FANCA: variants seen among roughly 807,000 people sequenced by gnomAD.
FANCA encodes FA complementation group A.
FANCA carries 236 observed loss-of-function variants against 194.3 expected under a neutral mutation model. The observed-to-expected ratio is 1.21, with a 90% CI of 1.09 to 1.35. The LOEUF is 1.35. Ranked by LOEUF, FANCA falls within the 40% of genes most tolerant of loss-of-function variation. The probability of loss-of-function intolerance (pLI) is 0.00; values close to 1 mark genes in which losing one functional copy is unlikely to be tolerated. For missense variants in FANCA, 2,628 were observed against 1,813.9 expected, an observed-to-expected ratio of 1.45 and a Z score of -8.15; for synonymous variants, 1,014 against 715.8, an observed-to-expected ratio of 1.42 and a Z score of -6.65.
intron 31 of FANCA, among the ~76,000 whole-genome samples, chr16:89,750,520 G>A (rs2038551721): frequency 6.6e-6 from 1 of 150,672 alleles, no homozygotes; most frequent in Non-Finnish European, 1.5e-5. Flanking sequence ...CAGGTATGGT[G>A]GCTCACGCCT....
intron 13 of FANCA, 25 bp downstream of exon 13, chr16:89,791,902 C>T: frequency 1.2e-6 from 2 of 1,613,954 alleles, no homozygotes; most frequent in South Asian, 2.2e-5. Flanking sequence ...TTGACCAGCA[C>T]CACCGGGCTC....
In FANCA at chr16:89,783,701, G is replaced by A. The variant is rs1466185857; in HGVS notation, c.1471-599C>T. On this transcript the variant is annotated intron_variant, in intron 15 of 42. Transcript: ENST00000389301. Reference sequence around the variant, plus strand: ...AATCCTAGCAGCGGCAGCAGGAACCGGCCCCGGCCGCCTGCAGCTCCATGC... The same window carrying A: ...AATCCTAGCAGCGGCAGCAGGAACCAGCCCCGGCCGCCTGCAGCTCCATGC... 7.2e-5 allele frequency among the ~76,000 whole-genome samples: 11 copies of A among 152,310 alleles called. 1 individual carries two copies. The highest frequency in any genetic ancestry group is 3.9e-4 in the Admixed American group (6 of 15,296).
intron 30 of FANCA, 130 bp downstream of exon 30, chr16:89,758,447 T>C: frequency 9.6e-7 from 1 of 1,036,514 alleles, no homozygotes; most frequent in Non-Finnish European, 1.5e-6. Flanking sequence ...GACATTTGGG[T>C]ATAGGCTGGG....
intron 29 of FANCA, among the ~76,000 whole-genome samples, chr16:89,760,503 C>T (rs2038916665): frequency 6.6e-6 from 1 of 152,144 alleles, no homozygotes; most frequent in African/African-American, 2.4e-5. Context: ...GTGTGGCAGG[C>T]ACCCTGAGGC....
chr16:89,812,183 A>T (rs1024003334), intron 3 of FANCA, among the ~76,000 whole-genome samples: 2 of 151,338 alleles, frequency 1.3e-5, no homozygotes, highest in African/African-American at 2.4e-5. Context: ...AAGACACAAA[A>T]ACAAAATTAG....
Position 89,746,677 on chromosome 16 carries a change from G to A in FANCA, c.3420C>T (p.Asn1140=), listed in dbSNP as rs369765552. ...AGGGGTCTCTGCTCCGCAGACAGGC[G>A]TTCAGGAGGCCCTGCAGGAGAGAAC... The part of the protein sequence containing the change: ...ITAHFFRGLL[N]ACLRSRDPSL... The change falls in exon 35 of 43, where the codon AAC becomes AAT. Residue 1140 remains asparagine, a synonymous_variant. Coordinates refer to ENST00000389301, the MANE Select transcript of FANCA (RefSeq NM_000135.4). 84 of 1,614,110 alleles carry A rather than the reference G, an allele frequency of 5.2e-5. 1 individual carries two copies. The South Asian group carries it at 6.5e-4, about 12-fold the overall frequency.
intron 38 of FANCA, 126 bp downstream of exon 38, chr16:89,740,678 C>T: frequency 6.9e-6 from 5 of 722,560 alleles, no homozygotes; most frequent in Non-Finnish European, 1.2e-5. Context: ...AGTTCTCACT[C>T]ACACTTCCGC....
chr16:89,803,320 A>G lies in FANCA; in HGVS notation c.731T>C (p.Leu244Ser). 6.2e-7 allele frequency: 1 copy of G among 1,614,188 alleles called. No homozygotes were observed. Among genetic ancestry groups the G allele is most frequent in the Non-Finnish European group, 8.5e-7 (1 of 1,180,022 alleles). ...MLSDFVQMFV[L>S]RGFQKNSDLR... ...ATCTGAGTTTTTCTGAAATCCCCTC[A>G]AAACAAACATTTGAACAAAATCTGA... Residue 244 changes from leucine to serine, a missense_variant, in exon 8 of 43, where the codon TTG becomes TCG. Coordinates refer to ENST00000389301, the MANE Select transcript of FANCA (RefSeq NM_000135.4).
chr16:89,764,702 G>A (rs992984154), intron 28 of FANCA, 188 bp downstream of exon 28: 3 of 727,954 alleles, frequency 4.1e-6, no homozygotes, highest in Non-Finnish European at 7.5e-6. Context: ...CCTCTGAGGA[G>A]ACAGTCGGCA....
rs2143332878 is a variant in FANCA, at chr16:89,769,944, T to C, written c.2397A>G (p.Pro799=). Residue 799 remains proline (P), a synonymous_variant, in exon 26 of 43, where the codon CCA becomes CCG. Coordinates refer to ENST00000389301, the MANE Select transcript of FANCA (RefSeq NM_000135.4). ...GTGCAGGAGGACCCACATCCACCTC[T>C]GGGAGCGCAGACCTGGACTCACCCA... is the stretch of plus-strand genomic sequence containing the variant. The part of the protein sequence containing the change: ...VHLGESRSAL[P]EVDVGPPAPG... 5.6e-6 allele frequency: 9 copies of C among 1,614,012 alleles called. No individual in the cohort carries two copies. Among genetic ancestry groups the C allele is most frequent in the Non-Finnish European group, 7.6e-6 (9 of 1,179,994 alleles).
chr16:89,765,125 G>C (rs1055987103), intron 27 of FANCA, 59 bp from the exon 28 acceptor site: 10 of 1,588,202 alleles, frequency 6.3e-6, no homozygotes, highest in African/African-American at 1.3e-5. Flanking sequence ...GTGAGTGGCT[G>C]AGCAAATGCT....
chr16:89,778,975 G>C lies in FANCA; in HGVS notation c.1744C>G (p.His582Asp). Residue 582 changes from histidine to aspartate, a missense_variant, in exon 19 of 43, where the codon CAC becomes GAC. By Grantham distance (81) the His-to-Asp change is moderately conservative (BLOSUM62 -1). Transcript: ENST00000389301. ...SIFRRPYYVSHFLPALLTPRV... is the reference protein window; with the variant it reads ...SIFRRPYYVSDFLPALLTPRV... ...GGTGTGAGCAGGGCGGGGAGGAAGT[G>C]GGACACGTAGTAAGGCCTCCTGAAT... The C allele has an allele frequency of 6.2e-7, 1 of 1,613,988 alleles. No individual in the cohort carries two copies. The highest frequency in any genetic ancestry group is 1.1e-5 in the South Asian group (1 of 91,056).
chr16:89,765,772 C>G (rs940691388), intron 27 of FANCA, among the ~76,000 whole-genome samples: 7 of 152,230 alleles, frequency 4.6e-5, no homozygotes, highest in East Asian at 1.9e-4. Context: ...TGGGTGGGAA[C>G]CACGCTGCCC....
chr16:89,742,345 C>G (rs913287556), intron 37 of FANCA, among the ~76,000 whole-genome samples: 8 of 151,998 alleles, frequency 5.3e-5, no homozygotes, highest in African/African-American at 1.9e-4. Context: ...GTAGTCTGAG[C>G]TACTCCAGAG....
chr16:89,778,972 A>T lies in FANCA; in HGVS notation c.1747T>A (p.Phe583Ile), dbSNP rs1449073281. 6.2e-7 allele frequency: 1 copy of T among 1,614,068 alleles called. No individual in the cohort carries two copies. Residue 583 changes from phenylalanine (F) to isoleucine (I), a missense_variant, in exon 19 of 43, where the codon TTC (phenylalanine) becomes ATC (isoleucine). Physicochemically the swap from Phe to Ile is conservative, Grantham distance 21. Transcript: ENST00000389301. ...CGAGGTGTGAGCAGGGCGGGGAGGA[A>T]GTGGGACACGTAGTAAGGCCTCCTG... ...IFRRPYYVSHFLPALLTPRVL... is the reference protein window; with the variant it reads ...IFRRPYYVSHILPALLTPRVL...
intron 2 of FANCA, among the ~76,000 whole-genome samples, chr16:89,815,668 G>C (rs2041083532): frequency 6.6e-6 from 1 of 151,990 alleles, no homozygotes; most frequent in South Asian, 2.1e-4. Context: ...TTTTTTTGTT[G>C]TTGTTGTTTT....
intron 8 of FANCA, among the ~76,000 whole-genome samples, chr16:89,802,318 G>C (rs1447288241): frequency 1.3e-5 from 2 of 150,878 alleles, no homozygotes; most frequent in Non-Finnish European, 3.0e-5. Context: ...GGTCAGGCTG[G>C]TCTTGAACTC....
chr16:89,755,965 C>T (rs1005706515), intron 30 of FANCA, among the ~76,000 whole-genome samples: 2 of 152,106 alleles, frequency 1.3e-5, no homozygotes, highest in South Asian at 4.1e-4. Flanking sequence ...CCACATGGCA[C>T]GGCCCACCGC....
intron 3 of FANCA, among the ~76,000 whole-genome samples, chr16:89,814,151 T>TG (rs1267206342): frequency 1.3e-5 from 2 of 152,084 alleles, no homozygotes; most frequent in African/African-American, 4.8e-5. Flanking sequence ...ACTCTCAAAC[T>TG]GGGGGGAGAA....
Sources: allele counts gnomAD v4.1 joint callset (sites outside exome capture counted in the v4.1 genomes callset), GRCh38; gene constraint gnomAD v4.1.1; transcripts MANE v1.5; gene names NCBI Gene and HGNC (gene_info 2026-07-23, HGNC 2026-07-21).